ZNF43: variants seen among roughly 807,000 people sequenced by gnomAD.
ZNF43 encodes zinc finger protein 39-like 1 (KOX 27).
Under a neutral mutation model 68.4 loss-of-function variants are expected in ZNF43, and 44 were observed. The ratio of observed to expected loss-of-function variants is 0.64; its 90% CI spans 0.51 to 0.83. The LOEUF (loss-of-function observed/expected upper bound fraction) is 0.83, where lower values mean the gene tolerates loss of function less well. ZNF43 is among the 40% of genes least tolerant of loss of function. The pLI is 0.00. For synonymous variants in ZNF43, 308 were observed against 307.8 expected, an observed-to-expected ratio of 1.00 and a Z score of -0.01; for missense variants, 896 against 933.2, an observed-to-expected ratio of 0.96 and a Z score of 0.52.
At chr19:21,844,416 A>C (rs1257295565) in intron 1 of ZNF43, among the ~76,000 whole-genome samples, 1 of 150,840 alleles carries the variant, frequency 6.6e-6, no homozygotes, top group East Asian at 1.9e-4. Context: ...GCTTGTGATG[A>C]CACTCTGTGC....
At chr19:21,829,562 T>A (rs1264594280) in intron 1 of ZNF43, among the ~76,000 whole-genome samples, 1 of 152,118 alleles carries the variant, frequency 6.6e-6, no homozygotes, top group Non-Finnish European at 1.5e-5. Context: ...AGGTCTTAAA[T>A]AAAGACAATC....
intron 3 of ZNF43, among the ~76,000 whole-genome samples, chr19:21,810,445 T>C (rs1218743702): frequency 1.3e-5 from 2 of 152,180 alleles, no homozygotes; most frequent in Non-Finnish European, 2.9e-5. Flanking sequence ...TTCACCTCCA[T>C]GACAAAAATA....
At chr19:21,842,916 G>C (rs758010627) in intron 1 of ZNF43, among the ~76,000 whole-genome samples, 2 of 152,186 alleles carry the variant, frequency 1.3e-5, no homozygotes, top group Non-Finnish European at 2.9e-5. Context: ...CCAGGCAGGA[G>C]AGAAGAGTGA....
intron 1 of ZNF43, among the ~76,000 whole-genome samples, chr19:21,835,777 C>A (rs1435169309): frequency 6.6e-6 from 1 of 152,218 alleles, no homozygotes; most frequent in Non-Finnish European, 1.5e-5. Flanking sequence ...GTGGCCCCTG[C>A]ACAATTTGGG....
chr19:21,827,903 C>G (rs1041564751), intron 1 of ZNF43, among the ~76,000 whole-genome samples: 2 of 152,072 alleles, frequency 1.3e-5, no homozygotes, highest in African/African-American at 4.8e-5. Context: ...TCAGGTGATC[C>G]ACCCGCCTCA....
intron 1 of ZNF43, among the ~76,000 whole-genome samples, chr19:21,821,703 A>G (rs769177272): frequency 1.3e-5 from 2 of 152,232 alleles, no homozygotes; most frequent in Non-Finnish European, 2.9e-5. Context: ...ATTAGAAGCC[A>G]TGATGTAGAG....
chr19:21,808,994 C>A lies in ZNF43; in HGVS notation c.1043G>T (p.Gly348Val), dbSNP rs1459295657. 1.6e-5 allele frequency: 26 copies of A among 1,613,366 alleles called. No individual in the cohort carries two copies. Among genetic ancestry groups the A allele is most frequent in the Non-Finnish European group, 1.8e-5 (21 of 1,179,752 alleles). The part of the protein sequence containing the change: ...GEKPYTCEEC[G>V]KAFNQFSNLT... ...GTTTGAGAACTGGTTAAAGGCTTTGCCACATTCTTCACATGTGTAGGGTTT... is the reference window on the plus strand; with the variant it reads ...GTTTGAGAACTGGTTAAAGGCTTTGACACATTCTTCACATGTGTAGGGTTT... Residue 348 changes from glycine to valine, a missense_variant, in exon 4 of 4, where the codon GGC (glycine) becomes GTC (valine). By Grantham distance (109) the Gly-to-Val change is moderately radical. Coordinates refer to ENST00000354959, the MANE Select transcript of ZNF43 (RefSeq NM_003423.4).
At position 21,847,981 on chromosome 19, in the gene ZNF43, C is replaced by T. The variant is rs767728815; in HGVS notation, c.30+3924G>A. Among the ~76,000 whole-genome samples, 101 of 152,098 alleles carry T rather than the reference C, an allele frequency of 6.6e-4. 1 individual carries two copies. The highest frequency in any genetic ancestry group is 2.6e-3 in the Admixed American group (40 of 15,272). On this transcript the variant is annotated intron_variant, in intron 1 of 3. Transcript: ENST00000357491. The stretch of plus-strand genomic sequence containing the variant: ...GGGACTACAGGCACACACCACCATG[C>T]CCGGCTAATTTTTGTATTTTTAGTA...
chr19:21,809,921 C>T, intron 3 of ZNF43, 114 bp from the exon 4 acceptor site: 6 of 974,462 alleles, frequency 6.2e-6, no homozygotes, highest in Non-Finnish European at 7.2e-6. Flanking sequence ...TAGAAAAATA[C>T]CACAGGCCCT....
intron 3 of ZNF43, chr19:21,812,125 CT>C (rs1163721665): frequency 6.5e-5 from 25 of 382,498 alleles, no homozygotes; most frequent in Non-Finnish European, 8.3e-5. Context: ...ATACAAACAA[CT>C]TTTTTTTTCT....
In ZNF43 at chr19:21,808,354, A is replaced by C; in HGVS notation, c.1683T>G (p.Thr561=). 1 of 1,612,952 alleles carries C rather than the reference A, an allele frequency of 6.2e-7. No homozygotes were observed. ...CTTCACACTTGTAGGGTTTCTCTCC[A>C]GTATGAATCCTCTTATGTTTGGTAA... ...SILTKHKRIH[T]GEKPYKCEEC... Residue 561 remains threonine, a synonymous_variant, in exon 4 of 4, where the codon ACT becomes ACG. Coordinates refer to ENST00000354959, the MANE Select transcript of ZNF43 (RefSeq NM_003423.4).
In ZNF43 at chr19:21,843,777, G is replaced by A. The variant is rs1386831252; in HGVS notation, c.30+8128C>T. On this transcript the variant is annotated intron_variant, in intron 1 of 3. Coordinates refer to the ZNF43 transcript ENST00000357491. ...GGCCTGGGCAACAAGAGCGAAACTC[G>A]GTCTTAAAAATAAAAAAATAAAACA... is the stretch of plus-strand genomic sequence containing the variant. Among the ~76,000 whole-genome samples the A allele has an allele frequency of 4.6e-5, 7 of 151,942 alleles. No individual in the cohort carries two copies. In the South Asian group the frequency reaches 6.2e-4, roughly 13 times the overall value.
At chr19:21,825,880 G>A (rs796343015) in intron 1 of ZNF43, among the ~76,000 whole-genome samples, 4 of 152,136 alleles carry the variant, frequency 2.6e-5, no homozygotes, top group African/African-American at 4.8e-5. Context: ...GTGAAACTTC[G>A]TCTACTAAAA....
chr19:21,805,818 A>T lies in ZNF43; in HGVS notation c.*1789T>A, dbSNP rs1001625141. 5 of 152,156 alleles carry T rather than the reference A, an allele frequency of 3.3e-5. No homozygotes were observed. The highest frequency in any genetic ancestry group is 7.4e-5 in the Non-Finnish European group (5 of 68,024). The allele number at this position is 152,156 out of a possible 1,614,324, so 9.4% of individuals were successfully genotyped here. On this transcript the variant is annotated 3_prime_UTR_variant, in exon 4 of 4. Transcript: ENST00000354959. ...GGTGAAATAGATTAATAGAAATGTT[A>T]GTCCATTATGTTACCAAATAGTATA...
chr19:21,839,346 A>AT (rs1272836990), upstream of ZNF43, among the ~76,000 whole-genome samples: 3 of 150,604 alleles, frequency 2.0e-5, no homozygotes, highest in Non-Finnish European at 3.0e-5. Flanking sequence ...AAAAAAAAAA[A>AT]AAAAAAAAAA....
chr19:21,849,505 A>G (rs1256126217), intron 1 of ZNF43, among the ~76,000 whole-genome samples: 1 of 150,034 alleles, frequency 6.7e-6, no homozygotes, highest in Non-Finnish European at 1.5e-5. Context: ...AAAAAAAAAA[A>G]AAAAAAAAAA....
Position 21,818,483 on chromosome 19 carries a change from C to T in ZNF43, c.131-497G>A, listed in dbSNP as rs192221354. On this transcript the variant is annotated intron_variant, in intron 2 of 3. Coordinates refer to ENST00000354959, the MANE Select transcript of ZNF43 (RefSeq NM_003423.4). ...TTGCCCAGTCTGGAGTGCAGTGGCA[C>T]GATCTCGGCTCACTGCAACCTCCAC... is the stretch of plus-strand genomic sequence containing the variant. Among the ~76,000 whole-genome samples, 11 of 152,266 alleles carry T rather than the reference C, an allele frequency of 7.2e-5. No individual in the cohort carries two copies. The East Asian group carries it at 1.2e-3, about 16-fold the overall frequency.
At chr19:21,830,322 A>T (rs1188884734) in intron 1 of ZNF43, among the ~76,000 whole-genome samples, 4 of 151,952 alleles carry the variant, frequency 2.6e-5, no homozygotes, top group African/African-American at 7.2e-5. Context: ...AAACAAAAAA[A>T]GAAATCCAGG....
At chr19:21,814,909 C>G (rs1033608781) in intron 3 of ZNF43, among the ~76,000 whole-genome samples, 2 of 151,554 alleles carry the variant, frequency 1.3e-5, no homozygotes, top group Non-Finnish European at 2.9e-5. Context: ...TATGCAAGGC[C>G]AGGCACAGTG....
Sources: allele counts gnomAD v4.1 joint callset (sites outside exome capture counted in the v4.1 genomes callset), GRCh38; gene constraint gnomAD v4.1.1; transcripts MANE v1.5; gene names NCBI Gene and HGNC (gene_info 2026-07-23, HGNC 2026-07-21).